ERCC6L: variants seen among roughly 807,000 people sequenced by gnomAD.
ERCC6L encodes the protein ERCC excision repair 6 like, spindle assembly checkpoint helicase, also known as DNA excision repair protein ERCC-6-like.
A neutral mutation model predicts 20.1 loss-of-function variants in ERCC6L; 7 were observed. The observed-to-expected ratio is 0.35, with a 90% CI of 0.20 to 0.65. ERCC6L has a LOEUF of 0.65. Among genes scored for constraint, ERCC6L ranks in the 30% least tolerant of loss-of-function variants. The pLI is 0.69. For synonymous variants in ERCC6L, 278 were observed against 331.3 expected, an observed-to-expected ratio of 0.84 and a Z score of 1.75; for missense variants, 592 against 892.4, an observed-to-expected ratio of 0.66 and a Z score of 4.29.
chrX:72,205,331 G>T lies in ERCC6L; in HGVS notation c.3436C>A (p.Pro1146Thr). 1.7e-6 allele frequency: 2 copies of T among 1,211,991 alleles called. No individual in the cohort carries two copies. Among genetic ancestry groups the T allele is most frequent in the Non-Finnish European group, 2.2e-6 (2 of 895,538 alleles). The change falls in exon 2 of 2, where the codon CCT becomes ACT. Residue 1146 changes from proline to threonine, a missense_variant. Around this residue, in one of 3 missense-constraint regions of ERCC6L, gnomAD observed 352 missense variants for 402.6 expected, o/e 0.87. Coordinates refer to ENST00000334463, the MANE Select transcript of ERCC6L (RefSeq NM_017669.4). ...GEASKYTEED[P>T]SGETLSSENK... is the part of the protein sequence containing the mutation. Reference sequence around the variant, plus strand: ...TCTGAAGACAGTGTTTCTCCGGAAGGATCCTCTTCTGTATACTTGGAGGCT... The same window carrying T: ...TCTGAAGACAGTGTTTCTCCGGAAGTATCCTCTTCTGTATACTTGGAGGCT...
At chrX:72,219,906 G>A (rs1266816183) in intron 1 of ERCC6L, among the ~76,000 whole-genome samples, 7 of 110,344 alleles carry the variant, frequency 6.3e-5, no homozygotes, top group East Asian at 2.8e-4. Flanking sequence ...AAGAGAAGTC[G>A]CAAGAGCAGA....
At chrX:72,234,699 T>C (rs2043006310) in intron 1 of ERCC6L, among the ~76,000 whole-genome samples, 1 of 110,985 alleles carries the variant, frequency 9.0e-6, no homozygotes, top group African/African-American at 3.3e-5. Context: ...GCTAGAAGCA[T>C]GGAGAGTTCA....
At chrX:72,223,585 C>T (rs755758991) in intron 1 of ERCC6L, among the ~76,000 whole-genome samples, 31 of 109,991 alleles carry the variant, frequency 2.8e-4, no homozygotes, top group South Asian at 1.2e-3. Context: ...GACGGGGTTT[C>T]GCCATGTTGG....
chrX:72,210,978 A>G (rs1218883994), intron 1 of ERCC6L, among the ~76,000 whole-genome samples: 3 of 111,588 alleles, frequency 2.7e-5, no homozygotes, highest in Non-Finnish European at 5.6e-5. Context: ...TTTCCCTACA[A>G]TGGAATCAGG....
intron 1 of ERCC6L, among the ~76,000 whole-genome samples, chrX:72,222,706 T>G (rs2042931393): frequency 9.4e-6 from 1 of 106,835 alleles, no homozygotes; most frequent in African/African-American, 3.4e-5. Context: ...CAAGCGATTC[T>G]CCTGCCTCAG....
At chrX:72,211,895 G>A (rs1216015819) in intron 1 of ERCC6L, among the ~76,000 whole-genome samples, 1 of 112,127 alleles carries the variant, frequency 8.9e-6, no homozygotes, top group Non-Finnish European at 1.9e-5. Flanking sequence ...ACTTTCGCTG[G>A]CAAAACTGCC....
At chrX:72,211,311 C>A (rs2042852497) in intron 1 of ERCC6L, among the ~76,000 whole-genome samples, 1 of 110,079 alleles carries the variant, frequency 9.1e-6, no homozygotes. Context: ...GGAGGAGTAA[C>A]CAGTTCAGGA....
intron 1 of ERCC6L, among the ~76,000 whole-genome samples, chrX:72,223,426 G>T (rs932617766): frequency 9.5e-6 from 1 of 105,699 alleles, no homozygotes; most frequent in Non-Finnish European, 1.9e-5. Flanking sequence ...TTTTGCTCTT[G>T]TTGCCCAGGC....
At position 72,208,458 on chromosome X, in the gene ERCC6L, G is replaced by C. The variant is rs1401958662; in HGVS notation, c.309C>G (p.Gly103=). ...HNQLFEHQKE[G]IAFLYSLYRD... is the part of the protein sequence containing the mutation. ...TATACAGGCTATAGAGGAAAGCTAT[G>C]CCTTCCTTCTGGTGCTCAAAGAGTT... The change falls in exon 2 of 2, where the codon GGC becomes GGG. Residue 103 remains glycine, a synonymous_variant. Coordinates refer to ENST00000334463, the MANE Select transcript of ERCC6L (RefSeq NM_017669.4). 1.7e-6 allele frequency: 2 copies of C among 1,209,830 alleles called. No homozygotes were observed. Among genetic ancestry groups the C allele is most frequent in the African/African-American group, 1.7e-5 (1 of 57,178 alleles).
chrX:72,222,508 C>T (rs909675503), intron 1 of ERCC6L, among the ~76,000 whole-genome samples: 2 of 110,982 alleles, frequency 1.8e-5, no homozygotes, highest in Non-Finnish European at 3.8e-5. Flanking sequence ...TTACCTGTCT[C>T]CTCACGGGCA....
At chrX:72,219,490 G>T (rs187900952) in intron 1 of ERCC6L, among the ~76,000 whole-genome samples, 155 of 105,148 alleles carry the variant, frequency 1.5e-3, no homozygotes, top group African/African-American at 5.1e-3. Flanking sequence ...GGAGATGGAG[G>T]TTGCAGTAAG....
rs777726923 is a variant in ERCC6L, at chrX:72,220,016, T to G, written c.69-11318A>C. On this transcript the variant is annotated intron_variant, in intron 1 of 1. Coordinates refer to ENST00000334463, the MANE Select transcript of ERCC6L (RefSeq NM_017669.4). ...ATGGGATTTTTGTAGATACCCTTGA[T>G]CAGGTTAAGGAAGTTACCTTTTATT... Among the ~76,000 whole-genome samples the G allele has an allele frequency of 3.6e-5, 4 of 111,604 alleles. No individual in the cohort carries two copies. The South Asian group carries it at 1.5e-3, about 42-fold the overall frequency.
At chrX:72,213,115 C>T (rs2042865921) in intron 1 of ERCC6L, among the ~76,000 whole-genome samples, 2 of 112,045 alleles carry the variant, frequency 1.8e-5, no homozygotes, top group African/African-American at 3.2e-5. Context: ...CTAATCTCGG[C>T]GCATGTGAGT....
rs145257370 is a variant in ERCC6L, at chrX:72,230,475, C to G, written c.68+8369G>C. On this transcript the variant is annotated intron_variant, in intron 1 of 1. Coordinates refer to ENST00000334463, the MANE Select transcript of ERCC6L (RefSeq NM_017669.4). Reference sequence around the variant, plus strand: ...CCTCACCCTAAAACCAATATATACTCTTAGTCTGTAAGAGAAAGCACTCCT... The same window carrying G: ...CCTCACCCTAAAACCAATATATACTGTTAGTCTGTAAGAGAAAGCACTCCT... 9.8e-5 allele frequency among the ~76,000 whole-genome samples: 11 copies of G among 112,136 alleles called. No homozygotes were observed. In the East Asian group the frequency reaches 3.1e-3, roughly 31 times the overall value.
Position 72,208,666 on chromosome X carries a change from T to A in ERCC6L, c.101A>T (p.Asn34Ile). ...TTTAAATGCTTCTTCCAGGTCTCCA[T>A]TCTTAGTTGCTTCTTTGGCCTCTTT... ...YVKEAKEATK[N>I]GDLEEAFKLF... The change falls in exon 2 of 2, where the codon AAT becomes ATT. Residue 34 changes from asparagine (N) to isoleucine (I), a missense_variant. By Grantham distance (149) the Asn-to-Ile change is moderately radical (BLOSUM62 -3). Coordinates refer to ENST00000334463, the MANE Select transcript of ERCC6L (RefSeq NM_017669.4). 8.3e-7 allele frequency: 1 copy of A among 1,205,482 alleles called. No homozygotes were observed. Among genetic ancestry groups the A allele is most frequent in the Non-Finnish European group, 1.1e-6 (1 of 892,920 alleles).
chrX:72,205,425 A>G lies in ERCC6L; in HGVS notation c.3342T>C (p.Leu1114=), dbSNP rs369205278. Residue 1114 remains leucine, a synonymous_variant, in exon 2 of 2, where the codon CTT becomes CTC. Coordinates refer to ENST00000334463, the MANE Select transcript of ERCC6L (RefSeq NM_017669.4). ...LDHVEDMEER[L]DDSSEAKGPE... is the part of the protein sequence containing the mutation. ...GACCCTTTGCTTCACTGCTGTCGTC[A>G]AGTCTTTCCTCCATGTCCTCCACGT... 3.3e-6 allele frequency: 4 copies of G among 1,210,437 alleles called. No individual in the cohort carries two copies. The highest frequency in any genetic ancestry group is 5.9e-5 in the East Asian group (2 of 33,768).
chrX:72,213,360 C>T (rs1287590453), intron 1 of ERCC6L, among the ~76,000 whole-genome samples: 2 of 111,738 alleles, frequency 1.8e-5, no homozygotes, highest in Admixed American at 9.4e-5. Context: ...ATATATCGCC[C>T]GAGAGCACAG....
At chrX:72,235,389 C>CTTTTTT (rs144267277) in intron 1 of ERCC6L, among the ~76,000 whole-genome samples, 7 of 68,566 alleles carry the variant, frequency 1.0e-4, no homozygotes, top group African/African-American at 4.7e-4. Flanking sequence ...CCCTCTTCCA[C>CTTTTTT]TTTTTTTTTT....
intron 1 of ERCC6L, among the ~76,000 whole-genome samples, chrX:72,237,365 G>A (rs1411208134): frequency 6.3e-5 from 7 of 110,613 alleles, no homozygotes; most frequent in Admixed American, 2.9e-4. Flanking sequence ...TTGGGAGGCC[G>A]AGGCGGGCGG....
Sources: gnomAD v4.1 joint callset for allele counts (sites outside exome capture counted in the v4.1 genomes callset) on GRCh38, gnomAD v4.1.1 for gene constraint, gnomAD v4.1.1 regional missense constraint, MANE v1.5 for transcripts, NCBI Gene and HGNC (gene_info 2026-07-23, HGNC 2026-07-21) for gene names.